MAD1L1: variants seen among roughly 807,000 people sequenced by gnomAD.
MAD1L1 encodes mitotic spindle assembly checkpoint protein MAD1.
MAD1L1 carries 95 observed loss-of-function variants against 96.9 expected under a neutral mutation model. That is an observed-to-expected ratio of 0.98 (90% CI 0.83 to 1.16). The LOEUF (loss-of-function observed/expected upper bound fraction) is 1.16, where lower values mean the gene tolerates loss of function less well. Among genes scored for constraint, MAD1L1 ranks in the 50% most tolerant of loss-of-function variants. The probability of loss-of-function intolerance (pLI) is 0.00; values close to 1 mark genes in which losing one functional copy is unlikely to be tolerated. For missense variants in MAD1L1, 1,007 were observed against 954.4 expected (o/e 1.06, Z -0.73); for synonymous variants, 473 against 396.6 (o/e 1.19, Z -2.29).
intron 18 of MAD1L1, among the ~76,000 whole-genome samples, chr7:1,831,974 T>G (rs1174626707): frequency 6.6e-6 from 1 of 152,242 alleles, no homozygotes; most frequent in African/African-American, 2.4e-5. Flanking sequence ...TAACACAGCA[T>G]CCATCCTGTG....
chr7:2,083,609 G>C (rs116412956), intron 11 of MAD1L1, among the ~76,000 whole-genome samples: 36 of 152,368 alleles, frequency 2.4e-4, no homozygotes, highest in African/African-American at 8.7e-4. Context: ...AGACGTAACA[G>C]ACTGCAAGAT....
At chr7:2,096,863 G>A (rs544523782) in intron 11 of MAD1L1, among the ~76,000 whole-genome samples, 1 of 152,132 alleles carries the variant, frequency 6.6e-6, no homozygotes, top group Non-Finnish European at 1.5e-5. Context: ...CGCTGGCCCA[G>A]GCGTGGGCCC....
intron 12 of MAD1L1, among the ~76,000 whole-genome samples, chr7:2,046,881 T>C (rs1783945889): frequency 6.6e-6 from 1 of 152,090 alleles, no homozygotes; most frequent in African/African-American, 2.4e-5. Flanking sequence ...ACACGCACAG[T>C]GCCCGGCCCC....
chr7:2,226,179 C>A (rs192757608), intron 3 of MAD1L1, among the ~76,000 whole-genome samples: 1 of 152,338 alleles, frequency 6.6e-6, no homozygotes, highest in Admixed American at 6.5e-5. Flanking sequence ...GTGGATCAAG[C>A]CCACCCACGT....
At chr7:2,184,230 C>A (rs1162408832) in intron 10 of MAD1L1, among the ~76,000 whole-genome samples, 5 of 151,254 alleles carry the variant, frequency 3.3e-5, no homozygotes, top group Non-Finnish European at 5.9e-5. Context: ...CCAGCCTGGG[C>A]AACAGAGCGA....
chr7:2,192,897 T>C (rs1229237419), intron 10 of MAD1L1, among the ~76,000 whole-genome samples: 1 of 152,212 alleles, frequency 6.6e-6, no homozygotes, highest in Admixed American at 6.5e-5. Context: ...AACAAGGATA[T>C]TAAGTCCATT....
intron 18 of MAD1L1, among the ~76,000 whole-genome samples, chr7:1,816,648 C>T (rs1277695705): frequency 6.6e-6 from 1 of 152,102 alleles, no homozygotes; most frequent in African/African-American, 2.4e-5. Context: ...CTAGTTTCCC[C>T]ACTTGTGCAG....
At chr7:2,163,330 T>G (rs978405293) in intron 10 of MAD1L1, among the ~76,000 whole-genome samples, 3 of 152,154 alleles carry the variant, frequency 2.0e-5, no homozygotes, top group Admixed American at 6.5e-5. Flanking sequence ...TCAAAGAAAC[T>G]TTCCTTTTTC....
At chr7:2,079,364 A>G (rs1785526416) in intron 11 of MAD1L1, among the ~76,000 whole-genome samples, 1 of 152,246 alleles carries the variant, frequency 6.6e-6, no homozygotes, top group Non-Finnish European at 1.5e-5. Flanking sequence ...TTTCTGAAAA[A>G]AATAAAAATC....
chr7:1,983,346 C>G (rs569681699), intron 14 of MAD1L1, among the ~76,000 whole-genome samples: 11 of 152,170 alleles, frequency 7.2e-5, no homozygotes, highest in Non-Finnish European at 1.6e-4. Flanking sequence ...TGGCCTGATG[C>G]ATCTTCTGTT....
chr7:2,042,615 C>A (rs1783737824), intron 12 of MAD1L1, among the ~76,000 whole-genome samples: 1 of 152,118 alleles, frequency 6.6e-6, no homozygotes, highest in African/African-American at 2.4e-5. Context: ...AGGGCGGATC[C>A]CTCACGAATG....
intron 12 of MAD1L1, among the ~76,000 whole-genome samples, chr7:2,055,637 T>A (rs1157951521): frequency 7.5e-6 from 1 of 133,152 alleles, no homozygotes; most frequent in African/African-American, 3.0e-5. Context: ...ACTACTGTAC[T>A]CCAGCCTGGG....
At chr7:1,939,020 CACAT>C (rs1372076338) in intron 16 of MAD1L1, among the ~76,000 whole-genome samples, 8 of 135,646 alleles carry the variant, frequency 5.9e-5, no homozygotes, top group Non-Finnish European at 1.3e-4. Flanking sequence ...CACACACACA[CACAT>C]GGGCCAGGGC....
At chr7:2,131,243 T>C (rs1259640566) in intron 11 of MAD1L1, among the ~76,000 whole-genome samples, 1 of 152,198 alleles carries the variant, frequency 6.6e-6, no homozygotes, top group Admixed American at 6.5e-5. Context: ...AAGGCAGTCT[T>C]GGCCCAAATG....
chr7:1,822,147 A>C (rs1782158699), intron 18 of MAD1L1, among the ~76,000 whole-genome samples: 1 of 151,706 alleles, frequency 6.6e-6, no homozygotes, highest in Non-Finnish European at 1.5e-5. Flanking sequence ...TGAACATACA[A>C]AAATTAACCA....
At chr7:1,908,436 CA>C (rs1474714440) in intron 17 of MAD1L1, among the ~76,000 whole-genome samples, 4 of 152,176 alleles carry the variant, frequency 2.6e-5, no homozygotes, top group African/African-American at 9.7e-5. Context: ...GGCTGGAGTG[CA>C]GTGGCGCGAT....
Position 2,146,934 on chromosome 7 carries a change from G to A in MAD1L1, c.1073+2218C>T, listed in dbSNP as rs975403894. 3.3e-5 allele frequency among the ~76,000 whole-genome samples: 5 copies of A among 152,228 alleles called. No individual in the cohort carries two copies. Among genetic ancestry groups the A allele is most frequent in the South Asian group, 2.1e-4 (1 of 4,824 alleles). On this transcript the variant is annotated intron_variant, in intron 11 of 18. Coordinates refer to ENST00000265854, the MANE Select transcript of MAD1L1 (RefSeq NM_001013836.2). The surrounding 1 kb of genome is among the most constrained non-coding windows in gnomAD (Gnocchi z 6.2). ...AGAACGCAAGCACCAAGGCCACGACGGGACTCATCCACACCTCATTGGCCA... is the reference window on the plus strand; with the variant it reads ...AGAACGCAAGCACCAAGGCCACGACAGGACTCATCCACACCTCATTGGCCA...
chr7:1,838,818 G>A (rs1441333744), intron 18 of MAD1L1: 3 of 471,302 alleles, frequency 6.4e-6, no homozygotes, highest in Non-Finnish European at 1.3e-5. Context: ...ACCACGGGGT[G>A]AACGTCCTGC....
At chr7:2,059,442 C>T (rs1487527595) in intron 12 of MAD1L1, among the ~76,000 whole-genome samples, 6 of 107,278 alleles carry the variant, frequency 5.6e-5, no homozygotes, top group African/African-American at 1.5e-4. Context: ...GGAGAGGCAG[C>T]GTGGCCAGAG....
Sources: gnomAD v4.1 joint callset for allele counts (sites outside exome capture counted in the v4.1 genomes callset) on GRCh38, gnomAD v4.1.1 for gene constraint, Gnocchi (gnomAD v3.1) non-coding constraint, MANE v1.5 for transcripts, NCBI Gene and HGNC (gene_info 2026-07-23, HGNC 2026-07-21) for gene names.